The following NDUFS4 variants were observed in gnomAD, a reference collection of about 807,000 sequenced individuals.
NDUFS4 encodes NADH dehydrogenase [ubiquinone] iron-sulfur protein 4, mitochondrial.
NDUFS4 carries 28 observed loss-of-function variants against 24.3 expected under a neutral mutation model. That is an observed-to-expected ratio of 1.15 (90% CI 0.85 to 1.58). The LOEUF (loss-of-function observed/expected upper bound fraction) is 1.58, where lower values mean the gene tolerates loss of function less well. Ranked by LOEUF, NDUFS4 falls within the 40% of genes most tolerant of loss-of-function variation. The pLI is 0.00. For synonymous variants in NDUFS4, 93 were observed against 69.7 expected (o/e 1.34, Z -1.67); for missense variants, 223 against 207.9 (o/e 1.07, Z -0.45).
chr5:53,635,245 C>T (rs1751515909), intron 2 of NDUFS4, among the ~76,000 whole-genome samples: 1 of 151,522 alleles, frequency 6.6e-6, no homozygotes, highest in Non-Finnish European at 1.5e-5. Context: ...TCCATCCAGA[C>T]ATGGTGGCTC....
At chr5:53,588,360 G>A (rs1749837777) in intron 1 of NDUFS4, among the ~76,000 whole-genome samples, 1 of 152,030 alleles carries the variant, frequency 6.6e-6, no homozygotes, top group South Asian at 2.1e-4. Context: ...TTGTTTCTCC[G>A]CACACCAGCT....
At chr5:53,575,291 G>C (rs986845707) in intron 1 of NDUFS4, among the ~76,000 whole-genome samples, 15 of 152,166 alleles carry the variant, frequency 9.9e-5, no homozygotes, top group African/African-American at 2.9e-4. Flanking sequence ...TCCCTGATCT[G>C]CCTGCTATTT....
chr5:53,675,605 T>A (rs1561402535), intron 4 of NDUFS4, among the ~76,000 whole-genome samples: 1 of 152,218 alleles, frequency 6.6e-6, no homozygotes, highest in East Asian at 1.9e-4. Context: ...AGTTCTAAAC[T>A]TTCAGCCATG....
In NDUFS4 at chr5:53,660,096, T is replaced by G. The variant is rs564192153; in HGVS notation, c.424+1472T>G. 2.6e-5 allele frequency among the ~76,000 whole-genome samples: 4 copies of G among 152,054 alleles called. No individual in the cohort carries two copies. The South Asian group carries it at 8.3e-4, about 32-fold the overall frequency. ...GTATACATGTGCCATGTTGGTGTGC[T>G]GCACCGATTAACTCTTCATTTAACA... On this transcript the variant is annotated intron_variant, in intron 4 of 4. Coordinates refer to ENST00000296684, the MANE Select transcript of NDUFS4 (RefSeq NM_002495.4).
At chr5:53,588,830 T>TTA (rs1466453295) in intron 1 of NDUFS4, among the ~76,000 whole-genome samples, 1 of 152,204 alleles carries the variant, frequency 6.6e-6, no homozygotes, top group African/African-American at 2.4e-5. Flanking sequence ...TTGAATTCAC[T>TTA]TTTTATTTTA....
intron 1 of NDUFS4, among the ~76,000 whole-genome samples, chr5:53,589,481 A>G (rs1272142973): frequency 1.3e-5 from 2 of 152,252 alleles, no homozygotes; most frequent in African/African-American, 2.4e-5. Flanking sequence ...TGACTTCTAA[A>G]GCTACTGCTG....
At chr5:53,572,386 C>T (rs1174942253) in intron 1 of NDUFS4, among the ~76,000 whole-genome samples, 1 of 152,108 alleles carries the variant, frequency 6.6e-6, no homozygotes, top group Non-Finnish European at 1.5e-5. Context: ...CCTACTTCGG[C>T]CGTTTTTCAG....
chr5:53,642,611 A>C (rs1039733099), intron 2 of NDUFS4, among the ~76,000 whole-genome samples: 1 of 150,552 alleles, frequency 6.6e-6, no homozygotes, highest in Admixed American at 6.6e-5. Flanking sequence ...TTTGTTAAAG[A>C]AAAAAAAAGT....
rs76761019 is a variant in NDUFS4, at chr5:53,640,652, A to G, written c.178-5581A>G. On this transcript the variant is annotated intron_variant, in intron 2 of 4. Coordinates refer to ENST00000296684, the MANE Select transcript of NDUFS4 (RefSeq NM_002495.4). ...AAACTAATAGAGCAAGAACTCACCCATTACCACAAGGGCAGCACCAGACCA... is the reference window on the plus strand; with the variant it reads ...AAACTAATAGAGCAAGAACTCACCCGTTACCACAAGGGCAGCACCAGACCA... Among the ~76,000 whole-genome samples, 7 of 152,230 alleles carry G rather than the reference A, an allele frequency of 4.6e-5. No individual in the cohort carries two copies. The East Asian group carries it at 1.2e-3, about 25-fold the overall frequency.
chr5:53,568,277 T>TA (rs1027198793), intron 1 of NDUFS4, among the ~76,000 whole-genome samples: 4 of 152,062 alleles, frequency 2.6e-5, no homozygotes, highest in Admixed American at 1.3e-4. Flanking sequence ...GTTGGGTGCC[T>TA]AAAAAATTCA....
At chr5:53,676,423 G>A (rs1241987192) in intron 4 of NDUFS4, among the ~76,000 whole-genome samples, 1 of 152,114 alleles carries the variant, frequency 6.6e-6, no homozygotes, top group African/African-American at 2.4e-5. Flanking sequence ...TTTTATATGT[G>A]TTTTTGTTTA....
rs1432106432 is a variant in NDUFS4 at position 53,683,195 on chromosome 5, A to AAAAG, written c.505_508dup (p.Thr170LysfsTer12). 3 of 1,611,074 alleles carry AAAAG rather than the reference A, an allele frequency of 1.9e-6. No individual in the cohort carries two copies. The highest frequency in any genetic ancestry group is 2.7e-5 in the African/African-American group (2 of 74,778). ...TTATGGTGCAAACTTTTCTTGGAAC[A>AAAAG]AAAGAACAAGAGTATCCACAAAATA... On this transcript the variant is annotated frameshift_variant, in exon 5 of 5. Coordinates refer to ENST00000296684, the MANE Select transcript of NDUFS4 (RefSeq NM_002495.4). LOFTEE classifies it high-confidence loss of function.
chr5:53,628,463 C>T (rs1179816413), intron 2 of NDUFS4, among the ~76,000 whole-genome samples: 1 of 152,136 alleles, frequency 6.6e-6, no homozygotes, highest in Non-Finnish European at 1.5e-5. Flanking sequence ...ATGGTATGAG[C>T]TCCTCTTTGT....
At chr5:53,629,957 A>G (rs775870091) in intron 2 of NDUFS4, among the ~76,000 whole-genome samples, 33 of 152,216 alleles carry the variant, frequency 2.2e-4, no homozygotes, top group Non-Finnish European at 2.4e-4. Context: ...TAGTTGATGC[A>G]GTTTCTTCAT....
intron 3 of NDUFS4, among the ~76,000 whole-genome samples, chr5:53,650,663 A>G (rs1751990517): frequency 6.6e-6 from 1 of 152,234 alleles, no homozygotes; most frequent in African/African-American, 2.4e-5. Flanking sequence ...TCAGAAGGTC[A>G]GATAATTCTG....
At chr5:53,639,666 G>A (rs1751654447) in intron 2 of NDUFS4, among the ~76,000 whole-genome samples, 1 of 152,078 alleles carries the variant, frequency 6.6e-6, no homozygotes, top group African/African-American at 2.4e-5. Context: ...ACAACTTCTT[G>A]AGACATTAAA....
chr5:53,657,891 C>T (rs1288726180), intron 3 of NDUFS4, among the ~76,000 whole-genome samples: 3 of 149,284 alleles, frequency 2.0e-5, no homozygotes, highest in African/African-American at 7.5e-5. Context: ...CGCCACTGTA[C>T]TCCAGCCTGG....
chr5:53,590,304 C>CT (rs1165421708), intron 1 of NDUFS4, among the ~76,000 whole-genome samples: 1 of 152,102 alleles, frequency 6.6e-6, no homozygotes, highest in Non-Finnish European at 1.5e-5. Flanking sequence ...AAGATTTGCT[C>CT]TTATGTGCTT....
intron 1 of NDUFS4, among the ~76,000 whole-genome samples, chr5:53,576,326 AT>A (rs1749387414): frequency 6.6e-6 from 1 of 152,206 alleles, no homozygotes; most frequent in South Asian, 2.1e-4. Context: ...AGAAGAGAGA[AT>A]TGGTTTACAT....
Sources: gnomAD v4.1 joint callset for allele counts (sites outside exome capture counted in the v4.1 genomes callset) on GRCh38, gnomAD v4.1.1 for gene constraint, MANE v1.5 for transcripts, NCBI Gene and HGNC (gene_info 2026-07-23, HGNC 2026-07-21) for gene names.